The following MRAS variants were observed in gnomAD, a reference collection of about 807,000 sequenced individuals.
MRAS encodes ras-related protein M-Ras.
Under a neutral mutation model 20.9 loss-of-function variants are expected in MRAS, and 4 were observed. The observed-to-expected ratio is 0.19, with a 90% CI of 0.09 to 0.44. The LOEUF is 0.44. MRAS is among the 20% of genes least tolerant of loss of function. The probability of loss-of-function intolerance (pLI) is 0.99; values close to 1 mark genes in which losing one functional copy is unlikely to be tolerated. For synonymous variants in MRAS, 98 were observed against 102.9 expected, an observed-to-expected ratio of 0.95 and a Z score of 0.29; for missense variants, 154 against 277.5, an observed-to-expected ratio of 0.56 and a Z score of 3.16.
chr3:138,371,413 C>T (rs1467318722), intron 1 of MRAS, among the ~76,000 whole-genome samples: 2 of 152,114 alleles, frequency 1.3e-5, no homozygotes, highest in Non-Finnish European at 2.9e-5. Context: ...CTAATCCAGC[C>T]CTTTAAACTC....
intron 2 of MRAS, among the ~76,000 whole-genome samples, chr3:138,386,481 A>G (rs1273853386): frequency 6.6e-6 from 1 of 152,070 alleles, no homozygotes; most frequent in Non-Finnish European, 1.5e-5. Context: ...CGGATATACT[A>G]CATTTTGTTT....
chr3:138,363,819 A>ATC (rs2054501005), intron 1 of MRAS, among the ~76,000 whole-genome samples: 1 of 32,942 alleles, frequency 3.0e-5, no homozygotes, highest in Non-Finnish European at 6.1e-5. Context: ...TAGAGGATTT[A>ATC]CCCCCCCCCC....
At chr3:138,398,146 G>A (rs947216013) in intron 3 of MRAS, among the ~76,000 whole-genome samples, 10 of 152,228 alleles carry the variant, frequency 6.6e-5, no homozygotes, top group African/African-American at 2.4e-4. Context: ...TGTGCAGCTG[G>A]TTGTGTGGTT....
chr3:138,357,699 T>C (rs2054363807), intron 1 of MRAS, among the ~76,000 whole-genome samples: 1 of 152,240 alleles, frequency 6.6e-6, no homozygotes. Flanking sequence ...CACTCCACTT[T>C]GCCCCATGTG....
Position 138,378,183 on chromosome 3 carries a change from G to A in MRAS, c.193+5107G>A, listed in dbSNP as rs191796927. 6.9e-4 allele frequency among the ~76,000 whole-genome samples: 105 copies of A among 152,328 alleles called. 1 individual carries two copies. Among genetic ancestry groups the A allele is most frequent in the African/African-American group, 2.3e-3 (95 of 41,572 alleles). ...GTCCTTCAGAGAACCAGGTGCTCCG[G>A]TTGTGATCTCAGTCTCACGTCAGAG... is the stretch of plus-strand genomic sequence containing the variant. On this transcript the variant is annotated intron_variant, in intron 2 of 5. Transcript: ENST00000423968.
chr3:138,351,075 C>T (rs2054217644), intron 1 of MRAS, among the ~76,000 whole-genome samples: 1 of 152,072 alleles, frequency 6.6e-6, no homozygotes, highest in South Asian at 2.1e-4. Context: ...GATGACTGGT[C>T]CTAACCTCAG....
chr3:138,372,070 TG>T (rs1261424719), intron 1 of MRAS, among the ~76,000 whole-genome samples: 2 of 152,052 alleles, frequency 1.3e-5, no homozygotes, highest in African/African-American at 4.8e-5. Context: ...AATTCTTCAC[TG>T]GGGGGGACTG....
chr3:138,367,060 G>A (rs954405320), intron 1 of MRAS, among the ~76,000 whole-genome samples: 3 of 152,192 alleles, frequency 2.0e-5, no homozygotes, highest in Admixed American at 1.3e-4. Flanking sequence ...GACCCACTGA[G>A]CCCTGCCGTT....
intron 1 of MRAS, among the ~76,000 whole-genome samples, chr3:138,364,529 A>G (rs1016696007): frequency 6.6e-6 from 1 of 152,218 alleles, no homozygotes; most frequent in Non-Finnish European, 1.5e-5. Context: ...TTTGGCAAGG[A>G]TTTCCAGTTG....
At chr3:138,379,089 T>C (rs1167694565) in intron 2 of MRAS, among the ~76,000 whole-genome samples, 1 of 152,218 alleles carries the variant, frequency 6.6e-6, no homozygotes, top group Non-Finnish European at 1.5e-5. Flanking sequence ...TTGTTAACTA[T>C]AATTTCCCTA....
chr3:138,374,850 T>C (rs1027260668), intron 2 of MRAS, among the ~76,000 whole-genome samples: 1 of 152,182 alleles, frequency 6.6e-6, no homozygotes, highest in African/African-American at 2.4e-5. Flanking sequence ...GGTTTTCCTT[T>C]TTTAGTTTGT....
At chr3:138,384,045 G>A (rs2054959873) in intron 2 of MRAS, among the ~76,000 whole-genome samples, 1 of 152,222 alleles carries the variant, frequency 6.6e-6, no homozygotes, top group African/African-American at 2.4e-5. Context: ...AGGCAGGGGT[G>A]TGCCTGGCCT....
chr3:138,360,459 A>T (rs947905448), intron 1 of MRAS, among the ~76,000 whole-genome samples: 8 of 152,234 alleles, frequency 5.3e-5, no homozygotes, highest in Admixed American at 2.0e-4. Context: ...TGGGTGTGGC[A>T]TCCCCAGCTC....
Position 138,362,540 on chromosome 3 carries a change from G to C in MRAS, c.-18-10326G>C, listed in dbSNP as rs540817568. Among the ~76,000 whole-genome samples the C allele has an allele frequency of 4.7e-4, 72 of 152,184 alleles. 1 individual carries two copies. Among genetic ancestry groups the C allele is most frequent in the Middle Eastern group, 3.4e-3 (1 of 294 alleles). On this transcript the variant is annotated intron_variant, in intron 1 of 5. Coordinates refer to ENST00000423968, the MANE Select transcript of MRAS (RefSeq NM_001085049.3). ...CTATGTAATTCATCCACTCTGTCCTGGGCTTTTTCTGCTGGTTAACCTCAG... is the reference window on the plus strand; with the variant it reads ...CTATGTAATTCATCCACTCTGTCCTCGGCTTTTTCTGCTGGTTAACCTCAG...
At chr3:138,387,279 A>C (rs557871300) in intron 2 of MRAS, among the ~76,000 whole-genome samples, 1 of 152,370 alleles carries the variant, frequency 6.6e-6, no homozygotes, top group African/African-American at 2.4e-5. Flanking sequence ...GCCCAGGCGC[A>C]GGTGCGGAGT....
intron 2 of MRAS, among the ~76,000 whole-genome samples, chr3:138,377,439 T>A (rs1356635199): frequency 6.6e-6 from 1 of 152,210 alleles, no homozygotes; most frequent in Non-Finnish European, 1.5e-5. Context: ...ACCCCGCTTC[T>A]ACTAAAAATA....
intron 2 of MRAS, among the ~76,000 whole-genome samples, chr3:138,377,470 T>C (rs950636827): frequency 1.2e-4 from 19 of 152,176 alleles, no homozygotes; most frequent in African/African-American, 4.3e-4. Context: ...TAGCCAGGCC[T>C]GGTGGCGCCT....
chr3:138,360,483 A>G (rs1401874387), intron 1 of MRAS, among the ~76,000 whole-genome samples: 1 of 152,222 alleles, frequency 6.6e-6, no homozygotes, highest in Non-Finnish European at 1.5e-5. Context: ...AGGCAGGGCC[A>G]GTCAGGGGGC....
At chr3:138,360,340 C>T (rs749173222) in intron 1 of MRAS, among the ~76,000 whole-genome samples, 1 of 152,232 alleles carries the variant, frequency 6.6e-6, no homozygotes, top group Non-Finnish European at 1.5e-5. Flanking sequence ...TGCTCTTCTC[C>T]TGGGCTTACC....
Sources: allele counts gnomAD v4.1 joint callset (sites outside exome capture counted in the v4.1 genomes callset), GRCh38; gene constraint gnomAD v4.1.1; transcripts MANE v1.5; gene names NCBI Gene and HGNC (gene_info 2026-07-23, HGNC 2026-07-21).